BMPR1B: variants seen among roughly 807,000 people sequenced by gnomAD.
BMPR1B encodes bone morphogenetic protein receptor type-1B.
A neutral mutation model predicts 59.1 loss-of-function variants in BMPR1B; 12 were observed. The observed-to-expected ratio is 0.20, with a 90% confidence interval of 0.13 to 0.33. The LOEUF (loss-of-function observed/expected upper bound fraction) is 0.33. Ranked by LOEUF, BMPR1B falls within the 10% of genes least tolerant of loss-of-function variation. The pLI, the probability that BMPR1B is intolerant of heterozygous loss-of-function variation, is 1.00. For synonymous variants in BMPR1B, 237 were observed against 207.3 expected (o/e 1.14, Z -1.23); for missense variants, 550 against 610.9 (o/e 0.90, Z 1.05).
At chr4:94,935,416 G>A (rs1335368742) in intron 2 of BMPR1B, among the ~76,000 whole-genome samples, 1 of 152,094 alleles carries the variant, frequency 6.6e-6, no homozygotes, top group Admixed American at 6.5e-5. Flanking sequence ...CACATGCCAG[G>A]CACCCTTCTA....
At chr4:95,015,112 T>C (rs1348605) in intron 3 of BMPR1B, among the ~76,000 whole-genome samples, 65,632 of 151,970 alleles carry the variant, frequency 0.43, 14,640 homozygotes, top group East Asian at 0.71. Context: ...GCTTCTGTGG[T>C]TTAGAAGCAG....
chr4:94,905,510 T>G (rs903097461), intron 2 of BMPR1B, among the ~76,000 whole-genome samples: 8 of 151,996 alleles, frequency 5.3e-5, no homozygotes, highest in Admixed American at 1.3e-4. Context: ...CAAGTTGAGT[T>G]TTATGAAAAT....
At chr4:94,997,645 A>G (rs763425510) in intron 3 of BMPR1B, among the ~76,000 whole-genome samples, 2 of 152,130 alleles carry the variant, frequency 1.3e-5, no homozygotes, top group African/African-American at 2.4e-5. Context: ...AATTCTGCCT[A>G]CCATTTCCAT....
intron 6 of BMPR1B, among the ~76,000 whole-genome samples, chr4:95,122,194 G>C (rs1408474747): frequency 1.3e-5 from 2 of 152,038 alleles, no homozygotes; most frequent in Non-Finnish European, 2.9e-5. Context: ...AAAATAAGTG[G>C]GGCGTGGTGG....
At chr4:94,890,234 C>A (rs1727337604) in intron 2 of BMPR1B, among the ~76,000 whole-genome samples, 1 of 152,076 alleles carries the variant, frequency 6.6e-6, no homozygotes, top group African/African-American at 2.4e-5. Flanking sequence ...AAAAAGCATT[C>A]TCTTTCTGAT....
At chr4:95,116,447 A>G (rs1177102400) in intron 6 of BMPR1B, among the ~76,000 whole-genome samples, 1 of 151,416 alleles carries the variant, frequency 6.6e-6, no homozygotes, top group South Asian at 2.1e-4. Context: ...ACACACACAC[A>G]CACACACACA....
intron 2 of BMPR1B, among the ~76,000 whole-genome samples, chr4:94,934,717 G>C (rs1314373364): frequency 6.6e-6 from 1 of 151,890 alleles, no homozygotes; most frequent in African/African-American, 2.4e-5. Context: ...GTATCAACAT[G>C]GAATTAATAG....
intron 3 of BMPR1B, among the ~76,000 whole-genome samples, chr4:95,073,762 C>T (rs750034973): frequency 6.6e-5 from 10 of 152,158 alleles, no homozygotes; most frequent in Non-Finnish European, 8.8e-5. Context: ...ATGCCTATGC[C>T]ACTTTAAAGT....
At chr4:94,908,111 A>C (rs989135625) in intron 2 of BMPR1B, among the ~76,000 whole-genome samples, 1 of 148,654 alleles carries the variant, frequency 6.7e-6, no homozygotes, top group African/African-American at 2.5e-5. Context: ...AAAAAAGTAA[A>C]GGTCTTGGGG....
chr4:94,879,425 A>G (rs1726870473), intron 2 of BMPR1B, among the ~76,000 whole-genome samples: 1 of 152,172 alleles, frequency 6.6e-6, no homozygotes. Flanking sequence ...ACATGGCTAG[A>G]CCTGGTGTCT....
At chr4:95,135,378 G>GT (rs1299173541) in intron 10 of BMPR1B, among the ~76,000 whole-genome samples, 1 of 152,068 alleles carries the variant, frequency 6.6e-6, no homozygotes, top group South Asian at 2.1e-4. Context: ...CTTTAAAGTA[G>GT]TTTTTTCCAA....
chr4:94,993,526 G>A (rs562413574), intron 2 of BMPR1B, among the ~76,000 whole-genome samples: 2 of 152,028 alleles, frequency 1.3e-5, no homozygotes, highest in East Asian at 1.9e-4. Flanking sequence ...TTGGGAGGCC[G>A]AGGTGAGCAG....
intron 2 of BMPR1B, among the ~76,000 whole-genome samples, chr4:94,993,760 CAAAAAAAAA>C (rs34395946): frequency 1.5e-5 from 1 of 68,590 alleles, no homozygotes; most frequent in Non-Finnish European, 2.8e-5. Flanking sequence ...GACTCCATCT[CAAAAAAAAA>C]AAAAAAAAAA....
chr4:94,842,687 A>G (rs1157595556), intron 1 of BMPR1B, among the ~76,000 whole-genome samples: 4 of 152,126 alleles, frequency 2.6e-5, no homozygotes, highest in Non-Finnish European at 4.4e-5. Context: ...AGGCCATTAC[A>G]TTTAGTCTGT....
intron 3 of BMPR1B, among the ~76,000 whole-genome samples, chr4:95,067,091 G>A (rs922672104): frequency 6.6e-6 from 1 of 152,082 alleles, no homozygotes; most frequent in African/African-American, 2.4e-5. Flanking sequence ...GTTGTTGAAT[G>A]ATTTAATAGA....
chr4:94,955,998 G>A (rs1004630672), intron 2 of BMPR1B, among the ~76,000 whole-genome samples: 2 of 152,086 alleles, frequency 1.3e-5, no homozygotes, highest in Non-Finnish European at 2.9e-5. Flanking sequence ...TATAAATGAG[G>A]AATCAGATGT....
At chr4:94,902,049 GTGT>G in intron 2 of BMPR1B, among the ~76,000 whole-genome samples, 1 of 37,888 alleles carries the variant, frequency 2.6e-5, no homozygotes, top group South Asian at 1.1e-3. Context: ...ACTGCATGGT[GTGT>G]GTGTGTGTGT....
chr4:94,959,178 G>C (rs1730265946), intron 2 of BMPR1B, among the ~76,000 whole-genome samples: 1 of 152,068 alleles, frequency 6.6e-6, no homozygotes, highest in Admixed American at 6.5e-5. Flanking sequence ...AAAGAATTTT[G>C]GGATTTTTAG....
At chr4:94,988,286 A>G (rs1289146053) in intron 2 of BMPR1B, among the ~76,000 whole-genome samples, 1 of 152,136 alleles carries the variant, frequency 6.6e-6, no homozygotes, top group Non-Finnish European at 1.5e-5. Context: ...ATTATTAAAC[A>G]TGATGAGAAA....
Sources: allele counts gnomAD v4.1 joint callset (sites outside exome capture counted in the v4.1 genomes callset), GRCh38; gene constraint gnomAD v4.1.1; transcripts MANE v1.5; gene names NCBI Gene and HGNC (gene_info 2026-07-23, HGNC 2026-07-21).